The following ELN variants were observed in gnomAD, a reference collection of about 807,000 sequenced individuals.
ELN encodes tropoelastin.
Under a neutral mutation model 105.8 loss-of-function variants are expected in ELN, and 65 were observed. The observed-to-expected ratio is 0.61, with a 90% CI of 0.50 to 0.75. The LOEUF (loss-of-function observed/expected upper bound fraction) is 0.75, where lower values mean the gene tolerates loss of function less well. Among genes scored for constraint, ELN ranks in the 30% least tolerant of loss-of-function variants. The pLI is 0.00. For missense variants in ELN, 882 were observed against 969.4 expected, an observed-to-expected ratio of 0.91 and a Z score of 1.20; for synonymous variants, 368 against 389.2, an observed-to-expected ratio of 0.95 and a Z score of 0.64.
chr7:74,051,558 G>A (rs1794035390), intron 15 of ELN, among the ~76,000 whole-genome samples, 192 bp from the exon 16 acceptor site: 1 of 152,166 alleles, frequency 6.6e-6, no homozygotes. Flanking sequence ...GTGTTGAAAT[G>A]GACACTTTGG....
At position 74,054,425 on chromosome 7, in the gene ELN, G is replaced by A. The variant is rs565755671; in HGVS notation, c.1097-291G>A. Among the ~76,000 whole-genome samples, 9 of 151,142 alleles carry A rather than the reference G, an allele frequency of 6.0e-5. No homozygotes were observed. In the East Asian group the frequency reaches 7.8e-4, roughly 13 times the overall value. ...GCGGAGATTGCAGTGAGCTGAGATC[G>A]CGCTATTGCACTCCAGCCTGGGTGA... On this transcript the variant is annotated intron_variant, in intron 18 of 32. Coordinates refer to ENST00000252034, the MANE Select transcript of ELN (RefSeq NM_000501.4).
At chr7:74,053,598 G>C (rs1417647976) in intron 18 of ELN, among the ~76,000 whole-genome samples, 1 of 152,142 alleles carries the variant, frequency 6.6e-6, no homozygotes, top group Non-Finnish European at 1.5e-5. Flanking sequence ...CCTTAGCTGA[G>C]TAGGTGTTCA....
intron 14 of ELN, 109 bp downstream of exon 14, chr7:74,048,310 C>A: frequency 4.5e-6 from 7 of 1,549,856 alleles, no homozygotes; most frequent in Non-Finnish European, 6.2e-6. Flanking sequence ...CACCCTGCAT[C>A]CAGACCCTGG....
chr7:74,042,191 G>T (rs954013762), intron 5 of ELN, among the ~76,000 whole-genome samples: 47 of 151,982 alleles, frequency 3.1e-4, no homozygotes, highest in African/African-American at 1.1e-3. Flanking sequence ...AGGCTGAGAC[G>T]GGCAGATGGC....
chr7:74,035,337 GGACT>G (rs782510816), intron 1 of ELN, 23 bp from the exon 2 acceptor site: 28 of 1,613,670 alleles, frequency 1.7e-5, no homozygotes, highest in Non-Finnish European at 2.4e-5. Context: ...GGCTCCTGGA[GGACT>G]GACTCTACCT....
At position 74,053,252 on chromosome 7, in the gene ELN, C is replaced by G; in HGVS notation, c.1039C>G (p.Pro347Ala). ...AGCTGGCGTTCCAGGTGTTGGTGTCCCAGGAGCTGGGATTCCAGTTGTCCC... is the reference window on the plus strand; with the variant it reads ...AGCTGGCGTTCCAGGTGTTGGTGTCGCAGGAGCTGGGATTCCAGTTGTCCC... ...PGAGVPGVGV[P>A]GAGIPVVPGA... Residue 347 changes from proline (P) to alanine (A), a missense_variant, in exon 18 of 33, where the codon CCA (proline) becomes GCA (alanine). By Grantham distance (27) the Pro-to-Ala change is conservative. Coordinates refer to ENST00000252034, the MANE Select transcript of ELN (RefSeq NM_000501.4). The G allele has an allele frequency of 3.1e-6, 5 of 1,613,704 alleles. No homozygotes were observed. The highest frequency in any genetic ancestry group is 3.4e-6 in the Non-Finnish European group (4 of 1,179,982).
chr7:74,056,464 G>A (rs1795249199), intron 20 of ELN, 29 bp downstream of exon 20: 2 of 1,613,012 alleles, frequency 1.2e-6, no homozygotes. Flanking sequence ...TGGGGACATG[G>A]GTTGAGAAGG....
chr7:74,057,563 G>A, intron 21 of ELN, 77 bp from the exon 22 acceptor site: 1 of 1,606,744 alleles, frequency 6.2e-7, no homozygotes, highest in South Asian at 1.1e-5. Flanking sequence ...TTACAAATGG[G>A]AAGACTGAGC....
In ELN at chr7:74,066,903, T is replaced by C. The variant is rs1405805343; in HGVS notation, c.2131+127T>C. The C allele has an allele frequency of 5.0e-6, 5 of 1,001,352 alleles. No homozygotes were observed. The Admixed American group carries it at 9.9e-5, about 20-fold the overall frequency. The allele number at this position is 1,001,352 out of a possible 1,614,324, so 62.0% of individuals were successfully genotyped here. A position where few individuals can be genotyped will look rare whatever the true frequency, so the allele number is the denominator to read the frequency against. The stretch of plus-strand genomic sequence containing the variant: ...CAGGGGTGGACCCCACAGCCTCAGG[T>C]CACACGAGGCTGGACCCCGAGCTGA... On this transcript the variant is annotated intron_variant, in intron 32 of 32. Transcript: ENST00000252034.
In ELN at chr7:74,048,511, C is replaced by T; in HGVS notation, c.754C>T (p.Pro252Ser). 6.2e-7 allele frequency: 1 copy of T among 1,614,002 alleles called. No individual in the cohort carries two copies. Among genetic ancestry groups the T allele is most frequent in the South Asian group, 1.1e-5 (1 of 91,084 alleles). Residue 252 changes from proline (P) to serine (S), a missense_variant, in exon 15 of 33, where the codon CCC (proline) becomes TCC (serine). Coordinates refer to ENST00000252034, the MANE Select transcript of ELN (RefSeq NM_000501.4). ...AGYPTGTGVG[P>S]QAAAAAAAKA... is the part of the protein sequence containing the mutation. ...CTGCTTCCTTCCCCCAGGGGTTGGC[C>T]CCCAGGCAGCAGCAGCAGCGGCAGC...
intron 1 of ELN, among the ~76,000 whole-genome samples, chr7:74,033,054 C>A (rs1172465420): frequency 3.9e-5 from 6 of 152,228 alleles, no homozygotes; most frequent in African/African-American, 1.4e-4. Flanking sequence ...CCTTTTACAA[C>A]TTGCAGCAAC....
chr7:74,031,801 G>A (rs1584461330), intron 1 of ELN, among the ~76,000 whole-genome samples: 2 of 148,382 alleles, frequency 1.3e-5, no homozygotes. Context: ...GAAAGAAAGA[G>A]AGAGAGAGAG....
chr7:74,064,509 G>A (rs1481956341), intron 29 of ELN, among the ~76,000 whole-genome samples: 1 of 150,660 alleles, frequency 6.6e-6, no homozygotes, highest in Non-Finnish European at 1.5e-5. Context: ...CCAGCTACTC[G>A]GGAGCCTGAG....
At chr7:74,060,862 C>T (rs561173686) in intron 25 of ELN, among the ~76,000 whole-genome samples, 1 of 152,324 alleles carries the variant, frequency 6.6e-6, no homozygotes, top group East Asian at 1.9e-4. Flanking sequence ...CAGCTGGTGA[C>T]TGAGCCCCAC....
At chr7:74,030,655 CCCAAAGTGCTTGGATTACAGGCATGAG>C (rs1788472236) in intron 1 of ELN, among the ~76,000 whole-genome samples, 1 of 152,004 alleles carries the variant, frequency 6.6e-6, no homozygotes, top group South Asian at 2.1e-4. Context: ...ACCTCCGCCT[CCCAAAGTGCTTGGATTACAGGCATGAG>C]CCACTGCCTC....
chr7:74,053,126 C>T (rs1554677273), intron 17 of ELN, 37 bp from the exon 18 acceptor site: 9 of 1,614,104 alleles, frequency 5.6e-6, no homozygotes, highest in Non-Finnish European at 7.6e-6. Context: ...CTCTGAGGTT[C>T]CCATAGGTTA....
chr7:74,043,018 C>T lies in ELN; in HGVS notation c.360C>T (p.Gly120=). 4 of 1,614,130 alleles carry T rather than the reference C, an allele frequency of 2.5e-6. No homozygotes were observed. The highest frequency in any genetic ancestry group is 2.5e-6 in the Non-Finnish European group (3 of 1,180,018). The part of the protein sequence containing the change: ...AGLGGVPGVG[G]LGVSAGAVVP... The stretch of plus-strand genomic sequence containing the variant: ...TTGGTGGTGTCCCAGGAGTTGGTGG[C>T]TTAGGAGTGTCTGCAGGTACGATGG... The change falls in exon 7 of 33, where the codon GGC becomes GGT. Residue 120 remains glycine, a synonymous_variant. Transcript: ENST00000252034.
intron 12 of ELN, 124 bp from the exon 13 acceptor site, chr7:74,047,551 C>T (rs1057306431): frequency 7.3e-6 from 10 of 1,373,436 alleles, no homozygotes; most frequent in Non-Finnish European, 1.0e-5. Flanking sequence ...CTGGGAGCAG[C>T]TCAGGACCCT....
In ELN at chr7:74,046,679, T is replaced by A. The variant is rs538986797; in HGVS notation, c.572-17T>A. 3.3e-5 allele frequency: 53 copies of A among 1,614,130 alleles called. No individual in the cohort carries two copies. In the Admixed American group the frequency reaches 5.3e-4, roughly 16 times the overall value. On this transcript the variant is annotated splice_polypyrimidine_tract_variant and intron_variant, in intron 11 of 32. Transcript: ENST00000252034. ...AGGGGGTGCTGGGACCTGAACTTGC[T>A]CTCTTTATTCCCACAGGAGTTGGAC...
Sources: allele counts gnomAD v4.1 joint callset (sites outside exome capture counted in the v4.1 genomes callset), GRCh38; gene constraint gnomAD v4.1.1; transcripts MANE v1.5; gene names NCBI Gene and HGNC (gene_info 2026-07-23, HGNC 2026-07-21).